Variants in EIF4E observed in about 807,000 individuals in gnomAD.
EIF4E encodes eukaryotic translation initiation factor 4E, also known as eIF-4F 25 kDa subunit.
For synonymous variants in EIF4E, 71 were observed against 88.5 expected (o/e 0.80, Z 1.11); for missense variants, 113 against 265.6 (o/e 0.43, Z 3.99).
In EIF4E at chr4:98,909,423, A is replaced by G; in HGVS notation, c.19-7441T>C. 8.7e-6 allele frequency: 4 copies of G among 461,692 alleles called. No homozygotes were observed. In the South Asian group the frequency reaches 1.3e-4, roughly 15 times the overall value. The allele number at this position is 461,692 out of a possible 1,614,324, so 28.6% of individuals were successfully genotyped here. ...TAAATCAGGCAAAGAAATGTACACAATCACATAAAAAGAATCACGTTCTCA... is the reference window on the plus strand; with the variant it reads ...TAAATCAGGCAAAGAAATGTACACAGTCACATAAAAAGAATCACGTTCTCA... On this transcript the variant is annotated intron_variant, in intron 1 of 6. Transcript: ENST00000450253.
At chr4:98,921,302 G>C (rs1274651748) in intron 1 of EIF4E, among the ~76,000 whole-genome samples, 1 of 152,052 alleles carries the variant, frequency 6.6e-6, no homozygotes, top group East Asian at 1.9e-4. Context: ...TAGGCTTACT[G>C]CCCCATAAGA....
At chr4:98,927,033 A>G (rs1328322384) in intron 1 of EIF4E, among the ~76,000 whole-genome samples, 2 of 152,154 alleles carry the variant, frequency 1.3e-5, no homozygotes, top group Non-Finnish European at 1.5e-5. Flanking sequence ...CTTTTTACTG[A>G]CACTAGTGTA....
At chr4:98,888,021 A>G in intron 3 of EIF4E, 69 bp from the exon 4 acceptor site, 2 of 1,250,028 alleles carry the variant, frequency 1.6e-6, no homozygotes, top group Non-Finnish European at 2.3e-6. Context: ...TTACATATAT[A>G]TACATTTAGA....
intron 1 of EIF4E, among the ~76,000 whole-genome samples, chr4:98,927,517 A>C (rs1725924655): frequency 6.6e-6 from 1 of 151,938 alleles, no homozygotes; most frequent in East Asian, 1.9e-4. Flanking sequence ...TTAGCCAGGC[A>C]CGGTTGTGCG....
Position 98,901,937 on chromosome 4 carries a change from T to C in EIF4E, c.64A>G (p.Thr22Ala). Residue 22 changes from threonine (T) to alanine (A), a missense_variant, in exon 2 of 7, where the codon ACG becomes GCG. Transcript: ENST00000450253. ...TTAGCAACCTCCTGATTAGATTCCG[T>C]TTTCTCCTCTTCTGTAGTCGGGGGA... ...PNPPTTEEEK[T>A]ESNQEVANPE... 1 of 1,613,248 alleles carries C rather than the reference T, an allele frequency of 6.2e-7. No homozygotes were observed. Among genetic ancestry groups the C allele is most frequent in the Non-Finnish European group, 8.5e-7 (1 of 1,179,914 alleles).
chr4:98,884,720 TAAATA>T (rs1256757486), intron 6 of EIF4E, among the ~76,000 whole-genome samples, 197 bp downstream of exon 6: 1 of 150,560 alleles, frequency 6.6e-6, no homozygotes, highest in Non-Finnish European at 1.5e-5. Flanking sequence ...AATAAATAAA[TAAATA>T]AATAGCTGTG....
intron 3 of EIF4E, 84 bp downstream of exon 3, chr4:98,891,153 C>T (rs1222129996): frequency 4.8e-6 from 7 of 1,447,376 alleles, no homozygotes; most frequent in African/African-American, 1.4e-5. Flanking sequence ...TTAACTCACA[C>T]TTCATTTTGT....
intron 1 of EIF4E, among the ~76,000 whole-genome samples, chr4:98,914,438 T>C (rs1317526171): frequency 6.8e-6 from 1 of 146,432 alleles, no homozygotes; most frequent in Non-Finnish European, 1.5e-5. Context: ...CTAAATAAAC[T>C]GTAGTGCATC....
chr4:98,886,894 G>T, intron 5 of EIF4E, 185 bp downstream of exon 5: 1 of 582,994 alleles, frequency 1.7e-6, no homozygotes, highest in East Asian at 3.2e-5. Flanking sequence ...CTTATAATGT[G>T]GTAGGATGTT....
intron 1 of EIF4E, among the ~76,000 whole-genome samples, chr4:98,923,196 T>C (rs527698166): frequency 6.9e-6 from 1 of 145,898 alleles, no homozygotes. Flanking sequence ...AAGTTCCAAC[T>C]GGGGAAACAA....
At position 98,898,782 on chromosome 4, in the gene EIF4E, A is replaced by C. The variant is rs144243939; in HGVS notation, c.125+3094T>G. On this transcript the variant is annotated intron_variant, in intron 2 of 6. Transcript: ENST00000450253. ...AACATCTTAGCATTATTTACTGTAAAAATATAGTAAATAACAATAGATAAA... is the reference window on the plus strand; with the variant it reads ...AACATCTTAGCATTATTTACTGTAACAATATAGTAAATAACAATAGATAAA... Among the ~76,000 whole-genome samples, 143 of 152,222 alleles carry C rather than the reference A, an allele frequency of 9.4e-4. 3 individuals are homozygous for C. In the East Asian group the frequency reaches 0.018, roughly 19 times the overall value.
At chr4:98,890,448 T>C (rs1724100019) in intron 3 of EIF4E, among the ~76,000 whole-genome samples, 2 of 152,242 alleles carry the variant, frequency 1.3e-5, no homozygotes, top group Admixed American at 1.3e-4. Flanking sequence ...TGGATTAACT[T>C]TGTTTTTAAG....
chr4:98,927,944 A>C (rs1242986471), intron 1 of EIF4E, among the ~76,000 whole-genome samples: 1 of 152,210 alleles, frequency 6.6e-6, no homozygotes, highest in Non-Finnish European at 1.5e-5. Flanking sequence ...CCCTCTGCTT[A>C]AAGATTAACT....
At chr4:98,908,637 C>T (rs1724981147) in intron 1 of EIF4E, among the ~76,000 whole-genome samples, 1 of 152,196 alleles carries the variant, frequency 6.6e-6, no homozygotes, top group African/African-American at 2.4e-5. Context: ...TTTTGAAAAG[C>T]TCACACCTCA....
intron 1 of EIF4E, among the ~76,000 whole-genome samples, chr4:98,923,741 GGATT>G (rs1483068393): frequency 7.2e-5 from 11 of 152,134 alleles, no homozygotes; most frequent in Admixed American, 5.2e-4. Context: ...TAATGGCTAA[GGATT>G]GATAATTAAA....
chr4:98,928,597 A>G (rs1285090645), intron 1 of EIF4E, among the ~76,000 whole-genome samples: 1 of 151,930 alleles, frequency 6.6e-6, no homozygotes, highest in Non-Finnish European at 1.5e-5. Flanking sequence ...CCACCGGTCT[A>G]AGGAAGACGT....
intron 1 of EIF4E, among the ~76,000 whole-genome samples, chr4:98,920,197 G>A (rs1725583569): frequency 1.3e-5 from 2 of 152,142 alleles, no homozygotes; most frequent in African/African-American, 4.8e-5. Context: ...GCCAGATAAT[G>A]TCCTTAATAT....
chr4:98,896,406 TGGAAGG>T (rs1259385108), intron 2 of EIF4E, among the ~76,000 whole-genome samples: 1 of 130,530 alleles, frequency 7.7e-6, no homozygotes, highest in African/African-American at 3.0e-5. Flanking sequence ...GGACAGGGAA[TGGAAGG>T]GGAAGGGGAA....
chr4:98,889,157 C>CAAA (rs35752327), intron 3 of EIF4E, among the ~76,000 whole-genome samples: 1 of 135,704 alleles, frequency 7.4e-6, no homozygotes, highest in Non-Finnish European at 1.6e-5. Context: ...GACTCCATCT[C>CAAA]AAAAAAAAAA....
Sources: allele counts gnomAD v4.1 joint callset (sites outside exome capture counted in the v4.1 genomes callset), GRCh38; gene constraint gnomAD v4.1.1; transcripts MANE v1.5; gene names NCBI Gene and HGNC (gene_info 2026-07-23, HGNC 2026-07-21).